The following DNTTIP2 variants were observed in gnomAD, a reference collection of about 807,000 sequenced individuals.
DNTTIP2 encodes deoxynucleotidyltransferase terminal-interacting protein 2.
DNTTIP2 carries 47 observed loss-of-function variants against 62.4 expected under a neutral mutation model. The ratio of observed to expected loss-of-function variants is 0.75; its 90% CI spans 0.60 to 0.96. The LOEUF (loss-of-function observed/expected upper bound fraction) is 0.96. Among genes scored for constraint, DNTTIP2 ranks in the 40% least tolerant of loss-of-function variants. The pLI, the probability that DNTTIP2 is intolerant of heterozygous loss-of-function variation, is 0.00. For synonymous variants in DNTTIP2, 322 were observed against 300.9 expected (o/e 1.07, Z -0.73); for missense variants, 870 against 849.1 (o/e 1.02, Z -0.31).
chr1:93,869,756 G>A lies in DNTTIP2; in HGVS notation c.*95C>T, dbSNP rs1051422344. The A allele has an allele frequency of 1.3e-4, 92 of 684,814 alleles. No homozygotes were observed. The highest frequency in any genetic ancestry group is 8.3e-4 in the Admixed American group (37 of 44,662). The allele number at this position is 684,814 out of a possible 1,614,324, so 42.4% of individuals were successfully genotyped here. A position where few individuals can be genotyped will look rare whatever the true frequency, so the allele number is the denominator to read the frequency against. On this transcript the variant is annotated 3_prime_UTR_variant, in exon 7 of 7. Transcript: ENST00000436063. ...TCCTGTATGAACAGGGCCAGTCTAT[G>A]GTAAATTAATTTAGATGATGGTGTT...
chr1:93,878,405 G>C (rs4141736), intron 1 of DNTTIP2: 1 of 154,372 alleles, frequency 6.5e-6, no homozygotes, highest in Admixed American at 6.4e-5. Context: ...GAAGCAGAAC[G>C]ATTAAAATTT....
rs1037691753 is a variant in DNTTIP2 at position 93,868,988 on chromosome 1, TAAAAA to T, written c.*858_*862del. 1.7e-5 allele frequency: 1 copy of T among 57,772 alleles called. No homozygotes were observed. Among genetic ancestry groups the T allele is most frequent in the African/African-American group, 4.9e-5 (1 of 20,236 alleles). 3.6% of individuals were successfully genotyped at this position (57,772 alleles called of 1,614,324 possible). A position where few individuals can be genotyped will look rare whatever the true frequency, so the allele number is the denominator to read the frequency against. On this transcript the variant is annotated 3_prime_UTR_variant, in exon 7 of 7. Coordinates refer to ENST00000436063, the MANE Select transcript of DNTTIP2 (RefSeq NM_014597.5). ...TACACATGTACCCCAAAACTATTAT[TAAAAA>T]AAAAAAAGATTTCATATTTGCTGAT...
chr1:93,877,701 C>T lies in DNTTIP2; in HGVS notation c.234G>A (p.Gly78=), dbSNP rs1358359124. The T allele has an allele frequency of 6.2e-7, 1 of 1,613,834 alleles. No homozygotes were observed. Among genetic ancestry groups the T allele is most frequent in the Non-Finnish European group, 8.5e-7 (1 of 1,179,892 alleles). Residue 78 remains glycine, a synonymous_variant, in exon 2 of 7, where the codon GGG becomes GGA. Coordinates refer to ENST00000436063, the MANE Select transcript of DNTTIP2 (RefSeq NM_014597.5). ...TTTCTCCATCCGTAGATGGTTCAGTCCCCTTTGGTAGTGAGCCTGTAGTTC... is the reference window on the plus strand; with the variant it reads ...TTTCTCCATCCGTAGATGGTTCAGTTCCCTTTGGTAGTGAGCCTGTAGTTC... ...KSRTTGSLPK[G]TEPSTDGETS... is the part of the protein sequence containing the mutation.
Position 93,877,641 on chromosome 1 carries a change from C to A in DNTTIP2, c.294G>T (p.Glu98Asp). The stretch of plus-strand genomic sequence containing the variant: ...TTACCCTTAAAATGGTATCATGGTG[C>A]TCAGACACAGAATAATTTGACTCTG... ...SEAESNYSVSEHHDTILRVTR... is the reference protein window; with the variant it reads ...SEAESNYSVSDHHDTILRVTR... Residue 98 changes from glutamate to aspartate, a missense_variant, in exon 2 of 7, where the codon GAG (glutamate) becomes GAT (aspartate). Coordinates refer to ENST00000436063, the MANE Select transcript of DNTTIP2 (RefSeq NM_014597.5). The A allele has an allele frequency of 6.2e-7, 1 of 1,613,974 alleles. No individual in the cohort carries two copies.
At chr1:93,879,013 C>T in intron 1 of DNTTIP2, 64 bp downstream of exon 1, 6 of 1,592,604 alleles carry the variant, frequency 3.8e-6, no homozygotes, top group African/African-American at 1.3e-5. Flanking sequence ...ACCCTTGCGC[C>T]GCCCCGCCTG....
chr1:93,876,340 G>A lies in DNTTIP2; in HGVS notation c.1595C>T (p.Ser532Leu). Reference sequence around the variant, plus strand: ...ATCTTCATTTTCGTCATGGTCTGATGAATCTTCTTCACTTTTTTCATCCTC... The same window carrying A: ...ATCTTCATTTTCGTCATGGTCTGATAAATCTTCTTCACTTTTTTCATCCTC... ...EEEDEKSEED[S>L]SDHDENEDEF... The change falls in exon 2 of 7, where the codon TCA (serine) becomes TTA (leucine). Residue 532 changes from serine (S) to leucine (L), a missense_variant. Coordinates refer to ENST00000436063, the MANE Select transcript of DNTTIP2 (RefSeq NM_014597.5). The A allele has an allele frequency of 6.4e-7, 1 of 1,554,948 alleles. No homozygotes were observed. The highest frequency in any genetic ancestry group is 1.2e-5 in the South Asian group (1 of 84,686).
At chr1:93,875,476 A>G (rs1473244927) in intron 3 of DNTTIP2, among the ~76,000 whole-genome samples, 169 bp downstream of exon 3, 1 of 152,252 alleles carries the variant, frequency 6.6e-6, no homozygotes, top group Non-Finnish European at 1.5e-5. Context: ...ATTATCATTC[A>G]TAGATAGGAT....
In DNTTIP2 at chr1:93,875,760, A is replaced by G. The variant is rs2100887306; in HGVS notation, c.1691T>C (p.Ile564Thr). ...AKLLKLTSSS[I>T]DPGLSIKQLG... is the part of the protein sequence containing the mutation. Reference sequence around the variant, plus strand: ...CTGCTTGATACTCAGACCAGGGTCTATGCTGCTGCTTGTCAACTTCAGACT... The same window carrying G: ...CTGCTTGATACTCAGACCAGGGTCTGTGCTGCTGCTTGTCAACTTCAGACT... The change falls in exon 3 of 7, where the codon ATA (isoleucine) becomes ACA (threonine). Residue 564 changes from isoleucine (I) to threonine (T), a missense_variant. Ile to Thr is a moderately conservative substitution (Grantham distance 89). Transcript: ENST00000436063. 6.2e-7 allele frequency: 1 copy of G among 1,610,894 alleles called. No homozygotes were observed. The highest frequency in any genetic ancestry group is 1.1e-5 in the South Asian group (1 of 89,976).
Position 93,876,652 on chromosome 1 carries a change from G to A in DNTTIP2, c.1283C>T (p.Thr428Met), listed in dbSNP as rs375923500. ...VDFECDTKLYTSAPNTSQGKD... is the reference protein window; with the variant it reads ...VDFECDTKLYMSAPNTSQGKD... ...ACCCTGAGATGTGTTGGGCGCAGAC[G>A]TGTATAGTTTGGTATCACATTCAAA... Residue 428 changes from threonine to methionine, a missense_variant, in exon 2 of 7, where the codon ACG becomes ATG. Physicochemically the swap from Thr to Met is moderately conservative, Grantham distance 81 (BLOSUM62 -1). Transcript: ENST00000436063. The A allele has an allele frequency of 1.2e-5, 20 of 1,613,912 alleles. No individual in the cohort carries two copies. The highest frequency in any genetic ancestry group is 1.6e-5 in the Non-Finnish European group (19 of 1,179,906).
rs760451113 is a variant in DNTTIP2, at chr1:93,879,101, C to G, written c.48G>C (p.Ala16=). 3.7e-6 allele frequency: 6 copies of G among 1,613,778 alleles called. No individual in the cohort carries two copies. In the East Asian group the frequency reaches 1.3e-4, roughly 36 times the overall value. Reference sequence around the variant, plus strand: ...CCTTTTGCCCGGAACTTTCAGCCGACGCGGCTTGGATGCTGGCCTTAGCCC... The same window carrying G: ...CCTTTTGCCCGGAACTTTCAGCCGAGGCGGCTTGGATGCTGGCCTTAGCCC... ...SARAKASIQA[A]SAESSGQKSF... Residue 16 remains alanine, a synonymous_variant, in exon 1 of 7, where the codon GCG becomes GCC. Transcript: ENST00000436063.
chr1:93,869,621 T>C lies in DNTTIP2; in HGVS notation c.*230A>G. On this transcript the variant is annotated 3_prime_UTR_variant, in exon 7 of 7. Coordinates refer to ENST00000436063, the MANE Select transcript of DNTTIP2 (RefSeq NM_014597.5). ...CAGTTATCTTAAAATGGTTGAGATTTTTTTTCCTTTTTTCCCATAAAGAGT... is the reference window on the plus strand; with the variant it reads ...CAGTTATCTTAAAATGGTTGAGATTCTTTTTCCTTTTTTCCCATAAAGAGT... The C allele has an allele frequency of 2.6e-6, 1 of 382,832 alleles. No individual in the cohort carries two copies. Among genetic ancestry groups the C allele is most frequent in the Non-Finnish European group, 4.8e-6 (1 of 207,380 alleles). The allele number at this position is 382,832 out of a possible 1,614,324, so 23.7% of individuals were successfully genotyped here.
At chr1:93,870,066 CACTT>C (rs1447582527) in intron 6 of DNTTIP2, 122 bp from the exon 7 acceptor site, 4 of 593,898 alleles carry the variant, frequency 6.7e-6, no homozygotes, top group Admixed American at 3.1e-5. Context: ...GACCTCATAG[CACTT>C]GCTTGCAATC....
At position 93,869,438 on chromosome 1, in the gene DNTTIP2, C is replaced by T. The variant is rs1655799715; in HGVS notation, c.*413G>A. 1 of 158,838 alleles carries T rather than the reference C, an allele frequency of 6.3e-6. No homozygotes were observed. The highest frequency in any genetic ancestry group is 1.4e-5 in the Non-Finnish European group (1 of 72,338). 9.8% of individuals were successfully genotyped at this position (158,838 alleles called of 1,614,324 possible). On this transcript the variant is annotated 3_prime_UTR_variant, in exon 7 of 7. Coordinates refer to ENST00000436063, the MANE Select transcript of DNTTIP2 (RefSeq NM_014597.5). ...CTCCCGTCCCCTACACAGACACACA[C>T]ACACATACACACATAAAACTACCTA...
chr1:93,867,129 G>A lies in DNTTIP2; in HGVS notation c.*2722C>T, dbSNP rs1459913276. 7.8e-6 allele frequency: 1 copy of A among 128,022 alleles called. No individual in the cohort carries two copies. Among genetic ancestry groups the A allele is most frequent in the East Asian group, 2.4e-4 (1 of 4,222 alleles). The allele number at this position is 128,022 out of a possible 1,614,324, so 7.9% of individuals were successfully genotyped here. A position where few individuals can be genotyped will look rare whatever the true frequency, so the allele number is the denominator to read the frequency against. ...TACACTCCAGCCTGGGCGACAGAGC[G>A]AGAGTCCGTCTCTCAAAAAAAAAAA... On this transcript the variant is annotated 3_prime_UTR_variant, in exon 7 of 7. Transcript: ENST00000436063.
intron 1 of DNTTIP2, chr1:93,878,513 AG>A (rs1656073810): frequency 6.5e-6 from 1 of 154,832 alleles, no homozygotes. Flanking sequence ...CGATGTGTTT[AG>A]GAACACACTG....
At chr1:93,873,671 C>G (rs1655928591) in intron 3 of DNTTIP2, among the ~76,000 whole-genome samples, 1 of 151,772 alleles carries the variant, frequency 6.6e-6, no homozygotes, top group Non-Finnish European at 1.5e-5. Context: ...ATGGCTCATG[C>G]CTATAATCCC....
chr1:93,873,422 A>C, intron 3 of DNTTIP2: 1 of 321,544 alleles, frequency 3.1e-6, no homozygotes, highest in Non-Finnish European at 5.5e-6. Context: ...CAAGACCCTG[A>C]CTGTAAAAAA....
chr1:93,871,911 T>A (rs530337461), intron 5 of DNTTIP2, among the ~76,000 whole-genome samples, 161 bp downstream of exon 5: 7 of 152,312 alleles, frequency 4.6e-5, no homozygotes, highest in Admixed American at 2.6e-4. Flanking sequence ...GTGGCTGAAT[T>A]GGGTAATGGC....
At chr1:93,875,450 G>T (rs955617724) in intron 3 of DNTTIP2, among the ~76,000 whole-genome samples, 195 bp downstream of exon 3, 3 of 152,098 alleles carry the variant, frequency 2.0e-5, no homozygotes, top group Non-Finnish European at 1.5e-5. Flanking sequence ...ACCCTGTATT[G>T]ATTTATTTTT....
Sources: gnomAD v4.1 joint callset for allele counts (sites outside exome capture counted in the v4.1 genomes callset) on GRCh38, gnomAD v4.1.1 for gene constraint, MANE v1.5 for transcripts, NCBI Gene and HGNC (gene_info 2026-07-23, HGNC 2026-07-21) for gene names.